Variants in PCDHA8 observed in about 807,000 individuals in gnomAD.
PCDHA8 encodes the protein protocadherin alpha 8.
Under a neutral mutation model 61.8 loss-of-function variants are expected in PCDHA8, and 53 were observed. The ratio of observed to expected loss-of-function variants is 0.86; its 90% CI spans 0.69 to 1.08. PCDHA8 has a LOEUF of 1.08. Ranked by LOEUF, PCDHA8 falls within the 50% of genes least tolerant of loss-of-function variation. The pLI, the probability that PCDHA8 is intolerant of heterozygous loss-of-function variation, is 0.00. For missense variants in PCDHA8, 1,293 were observed against 1,245.0 expected, an observed-to-expected ratio of 1.04 and a Z score of -0.58; for synonymous variants, 618 against 556.6, an observed-to-expected ratio of 1.11 and a Z score of -1.55.
intron 1 of PCDHA8, chr5:140,929,720 C>A (rs146702581): frequency 4.5e-6 from 1 of 224,040 alleles, no homozygotes; most frequent in Admixed American, 5.9e-5. Context: ...GAAGGTGAAA[C>A]ATTTACTTAA....
In PCDHA8 at chr5:141,003,833, A is replaced by G. The variant is rs1215772990; in HGVS notation, c.2543-5794A>G. On this transcript the variant is annotated intron_variant, in intron 3 of 3. Transcript: ENST00000531613. ...AGTCTGGGAAGGGCTCTGCCTAACG[A>G]TTCAGACCCCTACCAGATTTATATG... is the stretch of plus-strand genomic sequence containing the variant. 2.6e-5 allele frequency among the ~76,000 whole-genome samples: 4 copies of G among 152,176 alleles called. No individual in the cohort carries two copies. In the East Asian group the frequency reaches 7.7e-4, roughly 29 times the overall value.
intron 1 of PCDHA8, 27 bp from the exon 2 acceptor site, chr5:140,978,922 C>G: frequency 6.2e-7 from 1 of 1,613,966 alleles, no homozygotes; most frequent in Non-Finnish European, 8.5e-7. Context: ...GTCATTTTAA[C>G]AGAAAACTCT....
rs2150339210 is a variant in PCDHA8 at position 140,842,561 on chromosome 5, G to A, written c.1240G>A (p.Asp414Asn). ...CTCGTTGGTGCTGGACAGCGCCCTG[G>A]ACCGCGAGAGAGTGTCGGCCTATGA... is the stretch of plus-strand genomic sequence containing the variant. ...YYSLVLDSAL[D>N]RERVSAYELV... Residue 414 changes from aspartate (D) to asparagine (N), a missense_variant, in exon 1 of 4, where the codon GAC (aspartate) becomes AAC (asparagine). Physicochemically the swap from Asp to Asn is conservative, Grantham distance 23. Coordinates refer to ENST00000531613, the MANE Select transcript of PCDHA8 (RefSeq NM_018911.3). 6.7e-7 allele frequency: 1 copy of A among 1,492,420 alleles called. No individual in the cohort carries two copies. The highest frequency in any genetic ancestry group is 1.9e-5 in the Admixed American group (1 of 52,368). The allele number at this position is 1,492,420 out of a possible 1,614,324, so 92.4% of individuals were successfully genotyped here.
chr5:140,864,096 T>A (rs1459291547), intron 1 of PCDHA8: 1 of 152,388 alleles, frequency 6.6e-6, no homozygotes, highest in South Asian at 2.1e-4. Context: ...TTGATAAGTA[T>A]AATGATAATA....
chr5:140,942,157 T>C (rs2093241169), intron 1 of PCDHA8, among the ~76,000 whole-genome samples: 1 of 152,236 alleles, frequency 6.6e-6, no homozygotes, highest in Non-Finnish European at 1.5e-5. Context: ...TAAAACAGCT[T>C]CCATATTTCT....
At chr5:140,859,113 T>C (rs1042936960) in intron 1 of PCDHA8, 1 of 150,138 alleles carries the variant, frequency 6.7e-6, no homozygotes, top group Non-Finnish European at 1.5e-5. Context: ...CAGAAGAAAA[T>C]GTATGTTTCT....
chr5:140,841,706 A>G lies in PCDHA8; in HGVS notation c.385A>G (p.Asn129Asp). Residue 129 changes from asparagine (N) to aspartate (D), a missense_variant, in exon 1 of 4, where the codon AAC becomes GAC. By Grantham distance (23) the Asn-to-Asp change is conservative (BLOSUM62 1). Transcript: ENST00000531613. ...CGTGGAGGTGAAGGATGTTAATGAC[A>G]ACCCGCCAGTGTTCCGGGTAAAAGA... ...VDVEVKDVND[N>D]PPVFRVKDQK... 1.2e-6 allele frequency: 2 copies of G among 1,613,892 alleles called. No homozygotes were observed. Among genetic ancestry groups the G allele is most frequent in the Non-Finnish European group, 1.7e-6 (2 of 1,179,878 alleles).
intron 1 of PCDHA8, among the ~76,000 whole-genome samples, chr5:140,923,708 T>C (rs1554201570): frequency 1.3e-5 from 2 of 152,216 alleles, no homozygotes; most frequent in Non-Finnish European, 2.9e-5. Context: ...CCAATTTACT[T>C]GAATAAGAAT....
At chr5:140,929,316 C>A in intron 1 of PCDHA8, 1 of 1,556,954 alleles carries the variant, frequency 6.4e-7, no homozygotes, top group South Asian at 1.2e-5. Flanking sequence ...ACGCTAATGT[C>A]AATGCCATGG....
intron 1 of PCDHA8, chr5:140,875,985 G>T: frequency 6.2e-7 from 1 of 1,613,950 alleles, no homozygotes; most frequent in South Asian, 1.1e-5. Context: ...TGACCTATGC[G>T]TTAAGTCTAA....
At chr5:140,929,404 G>T (rs530409256) in intron 1 of PCDHA8, 1 of 1,506,596 alleles carries the variant, frequency 6.6e-7, no homozygotes, top group South Asian at 1.4e-5. Flanking sequence ...TCTTAGACAA[G>T]CCTTTCACAA....
chr5:140,871,461 A>G, intron 1 of PCDHA8: 1 of 1,605,278 alleles, frequency 6.2e-7, no homozygotes, highest in Non-Finnish European at 8.5e-7. Context: ...AGGAAGGGGA[A>G]AGACAGGAGC....
intron 1 of PCDHA8, chr5:140,869,562 A>C: frequency 2.5e-6 from 4 of 1,614,168 alleles, no homozygotes. Flanking sequence ...CGCGTTTTCC[A>C]CTAGAGGGAG....
intron 1 of PCDHA8, among the ~76,000 whole-genome samples, chr5:140,900,525 C>A (rs1322679465): frequency 6.6e-6 from 1 of 152,232 alleles, no homozygotes; most frequent in East Asian, 1.9e-4. Context: ...GATCTGCCCA[C>A]CTCGGCTTTC....
intron 1 of PCDHA8, chr5:140,855,887 CAA>C: frequency 1.0e-6 from 1 of 985,616 alleles, no homozygotes; most frequent in Non-Finnish European, 1.5e-6. Flanking sequence ...CTTTTTAGAA[CAA>C]AGGCATCAGC....
chr5:140,996,557 T>C (rs1200836194), intron 3 of PCDHA8, among the ~76,000 whole-genome samples: 3 of 152,226 alleles, frequency 2.0e-5, no homozygotes, highest in Admixed American at 6.5e-5. Context: ...GTCACTATCT[T>C]GAAGTTCTTG....
chr5:140,995,581 G>A (rs1268400169), intron 3 of PCDHA8, among the ~76,000 whole-genome samples: 6 of 152,292 alleles, frequency 3.9e-5, no homozygotes, highest in Admixed American at 2.0e-4. Context: ...TGAGCTATGA[G>A]CTTTTAACTT....
intron 1 of PCDHA8, among the ~76,000 whole-genome samples, chr5:140,879,880 C>T (rs1162426271): frequency 6.6e-6 from 1 of 152,172 alleles, no homozygotes; most frequent in Admixed American, 6.5e-5. Flanking sequence ...GGTCACATTG[C>T]CTCCTCCTCT....
chr5:140,858,071 C>T (rs782061637), intron 1 of PCDHA8: 1 of 1,597,680 alleles, frequency 6.3e-7, no homozygotes, highest in Admixed American at 1.7e-5. Flanking sequence ...CAGCCAGGCA[C>T]CCAAGGCCTC....
Sources: allele counts gnomAD v4.1 joint callset (sites outside exome capture counted in the v4.1 genomes callset), GRCh38; gene constraint gnomAD v4.1.1; transcripts MANE v1.5; gene names NCBI Gene and HGNC (gene_info 2026-07-23, HGNC 2026-07-21).